Variants in ZNF709 observed in about 807,000 individuals in gnomAD.
The protein encoded by ZNF709 is zinc finger protein 709.
ZNF709 carries 15 observed loss-of-function variants against 10.6 expected under a neutral mutation model. That is an observed-to-expected ratio of 1.41 (90% CI 0.95 to 2.18). ZNF709 has a LOEUF of 2.18. Among genes scored for constraint, ZNF709 ranks in the 30% most tolerant of loss-of-function variants. ZNF709 has a pLI of 0.00. For missense variants in ZNF709, 589 were observed against 774.0 expected (o/e 0.76, Z 2.84); for synonymous variants, 194 against 238.8 (o/e 0.81, Z 1.73).
At position 12,482,973 on chromosome 19, in the gene ZNF709, T is replaced by G. The variant is rs1041933528; in HGVS notation, c.3+1682A>C. 2.0e-5 allele frequency among the ~76,000 whole-genome samples: 3 copies of G among 151,738 alleles called. No homozygotes were observed. The South Asian group carries it at 6.2e-4, about 32-fold the overall frequency. ...GAGACAAACCCTGTGTTTGAAGAAA[T>G]CAAAGGGGAGGCTGAGGCAGGTGGA... On this transcript the variant is annotated intron_variant, in intron 1 of 3. Transcript: ENST00000397732.
chr19:12,482,138 TACACACACACACACACAAACAC>T (rs1461004426), intron 1 of ZNF709, among the ~76,000 whole-genome samples: 2 of 43,022 alleles, frequency 4.6e-5, no homozygotes, highest in African/African-American at 1.1e-4. Context: ...ACCTCTAAAA[TACACACACACACACACAAACAC>T]ACACACACAC....
At chr19:12,481,321 A>C (rs1040388605) in intron 1 of ZNF709, 4 of 274,350 alleles carry the variant, frequency 1.5e-5, no homozygotes, top group African/African-American at 9.2e-5. Flanking sequence ...CCTCCCCTGC[A>C]ACCCGGGGTT....
chr19:12,464,484 G>A lies in ZNF709; in HGVS notation c.1438C>T (p.Gln480Ter). Reference sequence around the variant, plus strand: ...GAAAAACTAAAGGCTTTACCACACTGTTTACATTCATAGGGTTTCTCTCCA... The same window carrying A: ...GAAAAACTAAAGGCTTTACCACACTATTTACATTCATAGGGTTTCTCTCCA... ...HTGEKPYECK[Q>*]CGKAFSFSSS... The change falls in exon 4 of 4, where the codon CAG (glutamine) becomes TAG (stop). Residue 480 changes from glutamine to a stop codon, truncating the protein, a stop_gained. Transcript: ENST00000397732. LOFTEE classifies it low-confidence loss of function (END_TRUNC). 2 of 1,612,930 alleles carry A rather than the reference G, an allele frequency of 1.2e-6. No individual in the cohort carries two copies. The highest frequency in any genetic ancestry group is 1.7e-6 in the Non-Finnish European group (2 of 1,179,572).
At chr19:12,476,493 T>G (rs1301603824) in intron 1 of ZNF709, among the ~76,000 whole-genome samples, 2 of 152,092 alleles carry the variant, frequency 1.3e-5, no homozygotes, top group East Asian at 3.9e-4. Context: ...GCAAAATCCA[T>G]ACAAAATAAA....
intron 1 of ZNF709, among the ~76,000 whole-genome samples, chr19:12,480,381 T>G (rs1970714208): frequency 6.6e-6 from 1 of 152,126 alleles, no homozygotes; most frequent in African/African-American, 2.4e-5. Flanking sequence ...GAGTAGTTAT[T>G]CTACCAAATA....
chr19:12,472,763 A>C (rs748804436), intron 1 of ZNF709, among the ~76,000 whole-genome samples: 1 of 151,750 alleles, frequency 6.6e-6, no homozygotes. Flanking sequence ...CGGGCCTGTA[A>C]TCCTGGCTAC....
chr19:12,470,225 A>G (rs1376150937), intron 1 of ZNF709, among the ~76,000 whole-genome samples: 9 of 152,170 alleles, frequency 5.9e-5, no homozygotes, highest in African/African-American at 2.2e-4. Context: ...GCCTTTGAAA[A>G]AGATCATTAA....
intron 3 of ZNF709, 110 bp downstream of exon 3, chr19:12,466,349 AAAT>A: frequency 8.7e-7 from 1 of 1,153,790 alleles, no homozygotes; most frequent in Non-Finnish European, 1.2e-6. Context: ...AATTTTCAAA[AAAT>A]AAATAAATAT....
chr19:12,481,518 G>A (rs1273885969), intron 1 of ZNF709, among the ~76,000 whole-genome samples: 1 of 152,130 alleles, frequency 6.6e-6, no homozygotes, highest in Non-Finnish European at 1.5e-5. Context: ...GAAATTACAG[G>A]CGTGAGCCAC....
intron 1 of ZNF709, among the ~76,000 whole-genome samples, chr19:12,477,821 GTTTTGT>G (rs1970688903): frequency 6.6e-6 from 1 of 151,694 alleles, no homozygotes; most frequent in African/African-American, 2.4e-5. Flanking sequence ...TAACATGTTT[GTTTTGT>G]TTTTGTTTTT....
At chr19:12,479,945 T>C (rs953565473) in intron 1 of ZNF709, among the ~76,000 whole-genome samples, 3 of 152,024 alleles carry the variant, frequency 2.0e-5, no homozygotes, top group African/African-American at 7.2e-5. Flanking sequence ...AGAGGATTGC[T>C]TGAAGCCAGG....
chr19:12,479,743 G>GC (rs1437020489), intron 1 of ZNF709, among the ~76,000 whole-genome samples: 3 of 151,996 alleles, frequency 2.0e-5, no homozygotes, highest in African/African-American at 7.3e-5. Context: ...GGTGGTGCAC[G>GC]CATGTAGTCC....
chr19:12,471,063 C>A (rs533587873), intron 1 of ZNF709, among the ~76,000 whole-genome samples: 2 of 152,062 alleles, frequency 1.3e-5, no homozygotes, highest in African/African-American at 4.8e-5. Flanking sequence ...CTTGATCCGC[C>A]CCCCAAAAGC....
chr19:12,475,356 T>C (rs1046665102), intron 1 of ZNF709, among the ~76,000 whole-genome samples: 6 of 116,372 alleles, frequency 5.2e-5, no homozygotes, highest in African/African-American at 1.6e-4. Flanking sequence ...ACAGAAGAAA[T>C]AGTAAAAAGA....
At chr19:12,467,026 C>G (rs988368821) in intron 1 of ZNF709, among the ~76,000 whole-genome samples, 176 bp from the exon 2 acceptor site, 1 of 152,194 alleles carries the variant, frequency 6.6e-6, no homozygotes, top group Non-Finnish European at 1.5e-5. Flanking sequence ...ACCATGAATA[C>G]TTGGAAATTA....
chr19:12,464,991 T>G lies in ZNF709; in HGVS notation c.931A>C (p.Lys311Gln). ...AAACTGAAGGCTTTCCCACATTTTT[T>G]ACATTTATAGGGTTTTTCTCCAGTG... ...IHTGEKPYKCKKCGKAFSFPS... is the reference protein window; with the variant it reads ...IHTGEKPYKCQKCGKAFSFPS... Residue 311 changes from lysine to glutamine, a missense_variant, in exon 4 of 4, where the codon AAA (lysine) becomes CAA (glutamine). Lys to Gln is a moderately conservative substitution (Grantham distance 53, BLOSUM62 1). Coordinates refer to ENST00000397732, the MANE Select transcript of ZNF709 (RefSeq NM_152601.4). 3 of 1,606,992 alleles carry G rather than the reference T, an allele frequency of 1.9e-6. No homozygotes were observed. Among genetic ancestry groups the G allele is most frequent in the Non-Finnish European group, 2.5e-6 (3 of 1,178,004 alleles).
At position 12,465,220 on chromosome 19, in the gene ZNF709, AC is replaced by A. The variant is rs772662049; in HGVS notation, c.701del (p.Ser234IlefsTer122). On this transcript the variant is annotated frameshift_variant, in exon 4 of 4. Coordinates refer to ENST00000397732, the MANE Select transcript of ZNF709 (RefSeq NM_152601.4). LOFTEE classifies it low-confidence loss of function (END_TRUNC). ...CATGATTTCGAAAAGAACTGGGATG[AC>A]TGAACGTTTTCCCGCATTCTTTACA... is the stretch of plus-strand genomic sequence containing the variant. ...YKCKECGKTF[S>X]HPSSFRNHER... is the part of the protein sequence containing the mutation. The A allele has an allele frequency of 6.2e-7, 1 of 1,612,972 alleles. No homozygotes were observed. Among genetic ancestry groups the A allele is most frequent in the Non-Finnish European group, 8.5e-7 (1 of 1,179,158 alleles).
chr19:12,475,747 T>C (rs1970671682), intron 1 of ZNF709, among the ~76,000 whole-genome samples: 1 of 152,070 alleles, frequency 6.6e-6, no homozygotes, highest in South Asian at 2.1e-4. Context: ...GAGATATAGA[T>C]TGGGAACAAA....
At chr19:12,471,554 T>G (rs1375987758) in intron 1 of ZNF709, among the ~76,000 whole-genome samples, 1 of 152,146 alleles carries the variant, frequency 6.6e-6, no homozygotes, top group Non-Finnish European at 1.5e-5. Context: ...ACTTGCCTAG[T>G]ATGTATCAAG....
Sources: gnomAD v4.1 joint callset for allele counts (sites outside exome capture counted in the v4.1 genomes callset) on GRCh38, gnomAD v4.1.1 for gene constraint, MANE v1.5 for transcripts, NCBI Gene and HGNC (gene_info 2026-07-23, HGNC 2026-07-21) for gene names.